Variants in VEZT observed in about 807,000 individuals in gnomAD.
VEZT encodes the protein vezatin, adherens junctions transmembrane protein.
A neutral mutation model predicts 79.9 loss-of-function variants in VEZT; 39 were observed. The ratio of observed to expected loss-of-function variants is 0.49; its 90% CI spans 0.38 to 0.64. The LOEUF is 0.64. VEZT is among the 30% of genes least tolerant of loss of function. The pLI is 0.00. For synonymous variants in VEZT, 325 were observed against 327.6 expected, an observed-to-expected ratio of 0.99 and a Z score of 0.09; for missense variants, 837 against 893.1, an observed-to-expected ratio of 0.94 and a Z score of 0.80.
rs374733244 is a variant in VEZT at position 95,266,260 on chromosome 12, G to T, written c.435-97G>T. 2.4e-5 allele frequency: 31 copies of T among 1,315,552 alleles called. No individual in the cohort carries two copies. In the East Asian group the frequency reaches 4.7e-4, roughly 20 times the overall value. 81.5% of individuals were successfully genotyped at this position (1,315,552 alleles called of 1,614,324 possible). On this transcript the variant is annotated intron_variant, in intron 4 of 11. Coordinates refer to ENST00000436874, the MANE Select transcript of VEZT (RefSeq NM_017599.4). ...AAGAAGCTAGCATTTTATTTATTTA[G>T]TAAACCTAAATTTAAATTTTGTTTT...
At chr12:95,227,593 G>A (rs1229097525) in intron 1 of VEZT, among the ~76,000 whole-genome samples, 8 of 152,036 alleles carry the variant, frequency 5.3e-5, no homozygotes, top group Non-Finnish European at 1.0e-4. Flanking sequence ...CATCCGCCTC[G>A]GCTTCCCAAA....
At chr12:95,242,429 C>A (rs61937956) in intron 1 of VEZT, 4 of 152,962 alleles carry the variant, frequency 2.6e-5, no homozygotes, top group Non-Finnish European at 4.4e-5. Context: ...GTTTTGTTTT[C>A]TTTTCTTTTT....
intron 1 of VEZT, among the ~76,000 whole-genome samples, chr12:95,238,637 A>G (rs1434408558): frequency 1.3e-5 from 2 of 152,188 alleles, no homozygotes; most frequent in Non-Finnish European, 2.9e-5. Flanking sequence ...ACATTTGACT[A>G]TCTCATAGGC....
rs138804901 is a variant in VEZT, at chr12:95,264,498, G to A, written c.434+1417G>A. ...GTTGCTCAGGCTGGAGTACAGTGGT[G>A]TGACCTCAGCTCACTGCAGCCTCAG... is the stretch of plus-strand genomic sequence containing the variant. On this transcript the variant is annotated intron_variant, in intron 4 of 11. Coordinates refer to ENST00000436874, the MANE Select transcript of VEZT (RefSeq NM_017599.4). Among the ~76,000 whole-genome samples, 749 of 152,154 alleles carry A rather than the reference G, an allele frequency of 4.9e-3. 7 individuals carry two copies. The highest frequency in any genetic ancestry group is 0.017 in the African/African-American group (711 of 41,512).
At position 95,236,332 on chromosome 12, in the gene VEZT, A is replaced by G. The variant is rs943853757; in HGVS notation, c.37-15608A>G. 3.0e-4 allele frequency among the ~76,000 whole-genome samples: 45 copies of G among 152,244 alleles called. No homozygotes were observed. In the South Asian group the frequency reaches 3.3e-3, roughly 11 times the overall value. The stretch of plus-strand genomic sequence containing the variant: ...CAGGCACTGGGCAGGCTGAGGCAGG[A>G]GAATCAGGCAGGGAGGTTGCAGTGA... On this transcript the variant is annotated intron_variant, in intron 1 of 11. Transcript: ENST00000436874.
chr12:95,291,145 T>C (rs1170685750), intron 9 of VEZT, among the ~76,000 whole-genome samples: 1 of 152,044 alleles, frequency 6.6e-6, no homozygotes, highest in Admixed American at 6.6e-5. Flanking sequence ...GTGGAAAGAT[T>C]GTTTGAGCCC....
intron 1 of VEZT, among the ~76,000 whole-genome samples, chr12:95,249,776 A>G (rs553666763): frequency 7.4e-4 from 113 of 152,292 alleles, no homozygotes; most frequent in African/African-American, 2.4e-3. Context: ...ACTAAACTAT[A>G]AGTAACTTTT....
At chr12:95,289,379 T>C (rs983173447) in intron 9 of VEZT, among the ~76,000 whole-genome samples, 1 of 128,290 alleles carries the variant, frequency 7.8e-6, no homozygotes, top group Non-Finnish European at 1.5e-5. Context: ...ATCGTACCAC[T>C]GCACTCCAGC....
chr12:95,273,406 C>T (rs1162360667), intron 6 of VEZT, among the ~76,000 whole-genome samples: 1 of 152,154 alleles, frequency 6.6e-6, no homozygotes, highest in Non-Finnish European at 1.5e-5. Flanking sequence ...TGAATTTGCT[C>T]TTATGTATGT....
chr12:95,295,974 G>A, intron 10 of VEZT, 77 bp from the exon 11 acceptor site: 1 of 1,050,860 alleles, frequency 9.5e-7, no homozygotes, highest in Non-Finnish European at 1.3e-6. Context: ...TCAGAGATAA[G>A]TAAGTGCAAG....
At chr12:95,246,388 G>T (rs2061724149) in intron 1 of VEZT, among the ~76,000 whole-genome samples, 1 of 152,300 alleles carries the variant, frequency 6.6e-6, no homozygotes, top group South Asian at 2.1e-4. Context: ...CTCCCAAAGT[G>T]CTGGGATTAC....
chr12:95,272,275 G>A (rs953456975), intron 6 of VEZT, among the ~76,000 whole-genome samples: 2 of 152,172 alleles, frequency 1.3e-5, no homozygotes, highest in Non-Finnish European at 2.9e-5. Context: ...GATCGGTGGG[G>A]TGCTGCTTTT....
chr12:95,300,066 G>T, intron 11 of VEZT, 99 bp from the exon 12 acceptor site: 1 of 636,956 alleles, frequency 1.6e-6, no homozygotes, highest in Non-Finnish European at 2.3e-6. Context: ...TTTATTTATT[G>T]TTCTTTTTAA....
At chr12:95,298,119 C>CAAAAAA (rs1434646136) in intron 11 of VEZT, among the ~76,000 whole-genome samples, 1 of 149,708 alleles carries the variant, frequency 6.7e-6, no homozygotes, top group African/African-American at 2.5e-5. Flanking sequence ...GACTCTCTCT[C>CAAAAAA]AAAAAATAAT....
intron 8 of VEZT, 23 bp downstream of exon 8, chr12:95,282,667 G>A: frequency 6.4e-7 from 1 of 1,552,324 alleles, no homozygotes; most frequent in Non-Finnish European, 8.7e-7. Context: ...ATTATACCAA[G>A]AAAGGTCTCG....
chr12:95,283,443 A>C (rs1413035449), intron 8 of VEZT, among the ~76,000 whole-genome samples: 1 of 152,222 alleles, frequency 6.6e-6, no homozygotes, highest in East Asian at 1.9e-4. Flanking sequence ...GGAAGGTCCT[A>C]GGAATTTAAA....
chr12:95,256,617 A>G lies in VEZT; in HGVS notation c.169-533A>G, dbSNP rs182876165. On this transcript the variant is annotated intron_variant, in intron 2 of 11. Transcript: ENST00000436874. ...TACTGGCATGCTCAAGGAATGGGCT[A>G]TTAAGGTAAATTGAATTTTTGGTTG... 409 of 1,288,336 alleles carry G rather than the reference A, an allele frequency of 3.2e-4. 1 individual carries two copies. In the African/African-American group the frequency reaches 5.9e-3, roughly 18 times the overall value. The allele number at this position is 1,288,336 out of a possible 1,614,324, so 79.8% of individuals were successfully genotyped here.
chr12:95,271,338 A>G (rs1244105931), intron 6 of VEZT, among the ~76,000 whole-genome samples: 2 of 152,186 alleles, frequency 1.3e-5, no homozygotes, highest in Admixed American at 1.3e-4. Context: ...AAACTGAGTA[A>G]AAATATGTAC....
chr12:95,242,506 G>GCC (rs564937970), intron 1 of VEZT, among the ~76,000 whole-genome samples: 218 of 152,238 alleles, frequency 1.4e-3, no homozygotes, highest in African/African-American at 5.0e-3. Context: ...GTGATCATAG[G>GCC]CCCTACGGCC....
Sources: gnomAD v4.1 joint callset for allele counts (sites outside exome capture counted in the v4.1 genomes callset) on GRCh38, gnomAD v4.1.1 for gene constraint, MANE v1.5 for transcripts, NCBI Gene and HGNC (gene_info 2026-07-23, HGNC 2026-07-21) for gene names.